Variants in DCAF8L2 observed in about 807,000 individuals in gnomAD.
DCAF8L2 encodes the protein DDB1- and CUL4-associated factor 8-like protein 2.
For missense variants in DCAF8L2, 430 were observed against 490.7 expected (o/e 0.88, Z 1.17); for synonymous variants, 200 against 190.9 (o/e 1.05, Z -0.39).
chrX:27,675,814 C>T (rs1368265513), intron 2 of DCAF8L2, among the ~76,000 whole-genome samples: 1 of 111,527 alleles, frequency 9.0e-6, no homozygotes, highest in Non-Finnish European at 1.9e-5. Flanking sequence ...ATTTGACTGT[C>T]TTCCTGAGCT....
the DCAF8L2 span, among the ~76,000 whole-genome samples, chrX:27,487,641 T>C: frequency 8.9e-6 from 1 of 112,529 alleles, no homozygotes; most frequent in African/African-American, 3.2e-5. Flanking sequence ...TTTATTGATA[T>C]GTAATTTATA....
the DCAF8L2 span, among the ~76,000 whole-genome samples, chrX:27,517,507 A>T: frequency 9.0e-6 from 1 of 111,190 alleles, no homozygotes; most frequent in Non-Finnish European, 1.9e-5. Flanking sequence ...GAAAAAAAAA[A>T]AAAGAAAAGA....
chrX:27,574,153 G>A, the DCAF8L2 span, among the ~76,000 whole-genome samples: 2 of 110,742 alleles, frequency 1.8e-5, no homozygotes, highest in African/African-American at 6.6e-5. Flanking sequence ...TTCCTGAGGA[G>A]CCAATAGGTT....
chrX:27,537,497 A>G, the DCAF8L2 span, among the ~76,000 whole-genome samples: 1 of 112,355 alleles, frequency 8.9e-6, no homozygotes, highest in African/African-American at 3.2e-5. Context: ...GAGAAGCTAA[A>G]TTGTGTTTTA....
At chrX:27,714,369 CA>C (rs962001150) in intron 3 of DCAF8L2, among the ~76,000 whole-genome samples, 24 of 110,698 alleles carry the variant, frequency 2.2e-4, no homozygotes, top group African/African-American at 6.2e-4. Context: ...TATGGTAATT[CA>C]TTGTGAGTTT....
At chrX:27,638,504 A>G (rs892737837) in intron 2 of DCAF8L2, among the ~76,000 whole-genome samples, 2 of 111,992 alleles carry the variant, frequency 1.8e-5, no homozygotes, top group Non-Finnish European at 3.8e-5. Context: ...TATGCTGGCT[A>G]TGAGCTTTAT....
At chrX:27,664,563 T>C (rs774920252) in intron 2 of DCAF8L2, among the ~76,000 whole-genome samples, 3 of 112,136 alleles carry the variant, frequency 2.7e-5, no homozygotes, top group African/African-American at 9.7e-5. Context: ...TTGATGAAGG[T>C]GGCTACAGTC....
the DCAF8L2 span, among the ~76,000 whole-genome samples, chrX:27,554,399 C>A: frequency 8.9e-6 from 1 of 111,870 alleles, no homozygotes; most frequent in Non-Finnish European, 1.9e-5. Context: ...CATTTGCTAC[C>A]CCAAGGTCAT....
intron 4 of DCAF8L2, among the ~76,000 whole-genome samples, chrX:27,717,488 G>T (rs1238352221): frequency 8.9e-6 from 1 of 112,661 alleles, no homozygotes; most frequent in African/African-American, 3.2e-5. Context: ...GATCAGTGAT[G>T]ATGAGCTTTT....
the DCAF8L2 span, among the ~76,000 whole-genome samples, chrX:27,514,679 A>AAAAAAC: frequency 1.2e-5 from 1 of 84,343 alleles, no homozygotes; most frequent in Non-Finnish European, 2.2e-5. Context: ...AAAAAAAAAA[A>AAAAAAC]AAAAAAAAAA....
In DCAF8L2 at chrX:27,706,684, T is replaced by A. The variant is rs764662215; in HGVS notation, c.-142-9404T>A. ...GGAAACCTCATACATTGCTGATGGG[T>A]TTGTGAAGTGGTACAGCTGCTTTGG... On this transcript the variant is annotated intron_variant, in intron 3 of 4. Coordinates refer to ENST00000451261, the MANE Select transcript of DCAF8L2 (RefSeq NM_001353450.2). 1.3e-4 allele frequency among the ~76,000 whole-genome samples: 14 copies of A among 111,389 alleles called. No individual in the cohort carries two copies. The South Asian group carries it at 4.2e-3, about 33-fold the overall frequency.
intron 2 of DCAF8L2, among the ~76,000 whole-genome samples, chrX:27,664,270 T>A: frequency 9.0e-6 from 1 of 111,108 alleles, no homozygotes. Context: ...GGAAAAAACC[T>A]CAGTGCTGAT....
intron 2 of DCAF8L2, among the ~76,000 whole-genome samples, chrX:27,670,394 G>A (rs753231836): frequency 9.0e-6 from 1 of 110,784 alleles, no homozygotes; most frequent in East Asian, 2.9e-4. Context: ...ATGCTATGGG[G>A]CATTCCCCTC....
At chrX:27,725,816 T>C (rs1288758809) in intron 4 of DCAF8L2, among the ~76,000 whole-genome samples, 1 of 110,309 alleles carries the variant, frequency 9.1e-6, no homozygotes, top group East Asian at 2.8e-4. Flanking sequence ...AGAAATCGGT[T>C]GCTCATCTTT....
At chrX:27,489,915 T>C in the DCAF8L2 span, among the ~76,000 whole-genome samples, 1 of 111,851 alleles carries the variant, frequency 8.9e-6, no homozygotes, top group East Asian at 2.8e-4. Flanking sequence ...TCTCCCTCTG[T>C]TCCTCAGGCT....
intron 2 of DCAF8L2, among the ~76,000 whole-genome samples, chrX:27,637,830 A>G (rs1385578852): frequency 1.8e-5 from 2 of 112,029 alleles, no homozygotes; most frequent in African/African-American, 6.5e-5. Flanking sequence ...TCGTTTCTCC[A>G]GGTAATATTC....
chrX:27,645,846 C>T (rs868627271), intron 2 of DCAF8L2, among the ~76,000 whole-genome samples: 4 of 110,844 alleles, frequency 3.6e-5, no homozygotes, highest in South Asian at 3.8e-4. Flanking sequence ...CACCTAGGAA[C>T]GCAGCTAACA....
chrX:27,699,226 G>C (rs767815205), intron 3 of DCAF8L2, among the ~76,000 whole-genome samples: 1 of 112,148 alleles, frequency 8.9e-6, no homozygotes, highest in Non-Finnish European at 1.9e-5. Flanking sequence ...ATTTAGAAAA[G>C]AATTCATGGA....
the DCAF8L2 span, among the ~76,000 whole-genome samples, chrX:27,482,889 A>G: frequency 9.0e-6 from 1 of 111,203 alleles, no homozygotes; most frequent in African/African-American, 3.3e-5. Flanking sequence ...ATAGCTTCTC[A>G]TTTATGTACC....
Sources: allele counts gnomAD v4.1 joint callset (sites outside exome capture counted in the v4.1 genomes callset), GRCh38; gene constraint gnomAD v4.1.1; transcripts MANE v1.5; gene names NCBI Gene and HGNC (gene_info 2026-07-23, HGNC 2026-07-21).